GLIPR1L2: variants seen among roughly 807,000 people sequenced by gnomAD.
GLIPR1L2 encodes GLIPR1 like 2, also known as GLIPR1-like protein 2.
GLIPR1L2 carries 21 observed loss-of-function variants against 28.4 expected under a neutral mutation model. The ratio of observed to expected loss-of-function variants is 0.74; its 90% CI spans 0.52 to 1.06. The LOEUF (loss-of-function observed/expected upper bound fraction) is 1.06. Among genes scored for constraint, GLIPR1L2 ranks in the 50% least tolerant of loss-of-function variants. GLIPR1L2 has a pLI of 0.00. For synonymous variants in GLIPR1L2, 145 were observed against 139.3 expected (o/e 1.04, Z -0.29); for missense variants, 476 against 416.9 (o/e 1.14, Z -1.23).
chr12:75,419,556 A>G (rs914404756), intron 3 of GLIPR1L2, among the ~76,000 whole-genome samples: 1 of 152,212 alleles, frequency 6.6e-6, no homozygotes, highest in Non-Finnish European at 1.5e-5. Context: ...TTCAGGTGCC[A>G]AAGTCTTCAG....
intron 1 of GLIPR1L2, among the ~76,000 whole-genome samples, chr12:75,401,675 G>A (rs2045743377): frequency 1.3e-5 from 2 of 152,000 alleles, no homozygotes; most frequent in Admixed American, 1.3e-4. Flanking sequence ...CTAAATTTCT[G>A]ACTAGAATGT....
intron 1 of GLIPR1L2, among the ~76,000 whole-genome samples, chr12:75,395,163 G>C (rs896636245): frequency 3.3e-5 from 5 of 151,820 alleles, no homozygotes; most frequent in Non-Finnish European, 7.4e-5. Flanking sequence ...GGAATCTTTA[G>C]GGTTGTCTAC....
At chr12:75,408,566 G>T (rs1477983724) in intron 1 of GLIPR1L2, among the ~76,000 whole-genome samples, 2 of 152,014 alleles carry the variant, frequency 1.3e-5, no homozygotes, top group Admixed American at 6.6e-5. Context: ...TAATAAATCA[G>T]GTTGAAGTGT....
chr12:75,421,153 G>A (rs1161653575), intron 3 of GLIPR1L2, among the ~76,000 whole-genome samples: 1 of 152,102 alleles, frequency 6.6e-6, no homozygotes, highest in African/African-American at 2.4e-5. Context: ...TGGTGAAAAG[G>A]GGTTGGGACA....
At chr12:75,392,105 A>C (rs557497842) in intron 1 of GLIPR1L2, among the ~76,000 whole-genome samples, 62 of 152,314 alleles carry the variant, frequency 4.1e-4, no homozygotes, top group African/African-American at 1.4e-3. Flanking sequence ...CTGTCCTCTT[A>C]GGGAATTAGA....
intron 1 of GLIPR1L2, among the ~76,000 whole-genome samples, chr12:75,396,074 T>C (rs1255450881): frequency 6.6e-6 from 1 of 152,202 alleles, no homozygotes; most frequent in Non-Finnish European, 1.5e-5. Context: ...ATAGTTGTGT[T>C]TTCATTTTCA....
Position 75,410,025 on chromosome 12 carries a change from TATG to T in GLIPR1L2, c.235-406_235-404del, listed in dbSNP as rs547392598. Among the ~76,000 whole-genome samples, 4 of 151,572 alleles carry T rather than the reference TATG, an allele frequency of 2.6e-5. No individual in the cohort carries two copies. In the South Asian group the frequency reaches 6.2e-4, roughly 24 times the overall value. On this transcript the variant is annotated intron_variant, in intron 1 of 5. Transcript: ENST00000550916. Reference sequence around the variant, plus strand: ...TGACTTAGCATTTTATTCTTGACAATATGATATTTTGCATATAATCATTACTTA... The same window carrying T: ...TGACTTAGCATTTTATTCTTGACAATATATTTTGCATATAATCATTACTTA...
Position 75,403,030 on chromosome 12 carries a change from G to A in GLIPR1L2, c.235-7404G>A, listed in dbSNP as rs752834506. 6 of 457,058 alleles carry A rather than the reference G, an allele frequency of 1.3e-5. No individual in the cohort carries two copies. In the East Asian group the frequency reaches 4.2e-4, roughly 32 times the overall value. The allele number at this position is 457,058 out of a possible 1,614,324, so 28.3% of individuals were successfully genotyped here. A position where few individuals can be genotyped will look rare whatever the true frequency, so the allele number is the denominator to read the frequency against. On this transcript the variant is annotated intron_variant, in intron 1 of 5. Coordinates refer to ENST00000550916, the MANE Select transcript of GLIPR1L2 (RefSeq NM_001270396.2). ...TTCCTTTAACAGTTATGGTACTGCT[G>A]TGACTCCGATGGTAGCAGATTCATC...
intron 1 of GLIPR1L2, among the ~76,000 whole-genome samples, chr12:75,405,263 G>C (rs12423320): frequency 0.17 from 25,815 of 152,180 alleles, 2,384 homozygotes; most frequent in Admixed American, 0.24. Context: ...ATATGTGGCA[G>C]ACTGCCACGA....
intron 3 of GLIPR1L2, among the ~76,000 whole-genome samples, chr12:75,420,834 G>A (rs1338862498): frequency 6.6e-6 from 1 of 152,196 alleles, no homozygotes; most frequent in African/African-American, 2.4e-5. Flanking sequence ...CTGTCTAATA[G>A]AAATAATGAT....
chr12:75,416,333 A>T (rs566942625), intron 3 of GLIPR1L2, among the ~76,000 whole-genome samples: 20 of 152,260 alleles, frequency 1.3e-4, no homozygotes, highest in Middle Eastern at 3.4e-3. Flanking sequence ...TTGTTTTCTA[A>T]GTAGACGAAG....
At chr12:75,398,068 C>T (rs1247971620) in intron 1 of GLIPR1L2, among the ~76,000 whole-genome samples, 2 of 151,184 alleles carry the variant, frequency 1.3e-5, no homozygotes, top group South Asian at 2.1e-4. Flanking sequence ...CGGTGGCTCA[C>T]GCCTGTAATC....
At chr12:75,417,282 G>A (rs139755534) in intron 3 of GLIPR1L2, among the ~76,000 whole-genome samples, 1 of 152,196 alleles carries the variant, frequency 6.6e-6, no homozygotes, top group African/African-American at 2.4e-5. Context: ...CACAGCAGAA[G>A]CAGCTACAGT....
intron 1 of GLIPR1L2, among the ~76,000 whole-genome samples, chr12:75,392,453 A>G (rs894711188): frequency 2.0e-5 from 3 of 152,126 alleles, no homozygotes; most frequent in Non-Finnish European, 2.9e-5. Flanking sequence ...CATTTCCTTT[A>G]CCTTTTATAT....
intron 1 of GLIPR1L2, among the ~76,000 whole-genome samples, chr12:75,396,954 C>G (rs368044816): frequency 2.6e-5 from 4 of 152,082 alleles, no homozygotes; most frequent in African/African-American, 9.7e-5. Context: ...TTATTTTGTT[C>G]AGGACTTTTC....
intron 1 of GLIPR1L2, among the ~76,000 whole-genome samples, chr12:75,396,339 T>C (rs901469286): frequency 6.6e-5 from 10 of 152,066 alleles, no homozygotes; most frequent in Admixed American, 2.6e-4. Context: ...GATTTTTGTA[T>C]TTTTTGTAGA....
At chr12:75,414,415 C>G (rs570325917) in intron 3 of GLIPR1L2, among the ~76,000 whole-genome samples, 1 of 152,046 alleles carries the variant, frequency 6.6e-6, no homozygotes, top group South Asian at 2.1e-4. Context: ...GAATTGACTG[C>G]CTACCAAGAT....
At chr12:75,404,326 C>T (rs2045773901) in intron 1 of GLIPR1L2, among the ~76,000 whole-genome samples, 1 of 152,084 alleles carries the variant, frequency 6.6e-6, no homozygotes, top group African/African-American at 2.4e-5. Flanking sequence ...CCTTAGAGCT[C>T]AACAAGTCTT....
intron 3 of GLIPR1L2, among the ~76,000 whole-genome samples, chr12:75,420,797 G>A (rs2045968894): frequency 6.6e-6 from 1 of 152,128 alleles, no homozygotes; most frequent in African/African-American, 2.4e-5. Context: ...ATTAACATAG[G>A]GGAGGGTATT....
Sources: allele counts gnomAD v4.1 joint callset (sites outside exome capture counted in the v4.1 genomes callset), GRCh38; gene constraint gnomAD v4.1.1; transcripts MANE v1.5; gene names NCBI Gene and HGNC (gene_info 2026-07-23, HGNC 2026-07-21).